Variants in MAP3K5 observed in about 807,000 individuals in gnomAD.
MAP3K5 encodes ASK-1.
Under a neutral mutation model 158.7 loss-of-function variants are expected in MAP3K5, and 56 were observed. That is an observed-to-expected ratio of 0.35 (90% CI 0.28 to 0.44). MAP3K5 has a LOEUF of 0.44. Among genes scored for constraint, MAP3K5 ranks in the 20% least tolerant of loss-of-function variants. The pLI, the probability that MAP3K5 is intolerant of heterozygous loss-of-function variation, is 1.00. For synonymous variants in MAP3K5, 579 were observed against 601.7 expected (o/e 0.96, Z 0.55); for missense variants, 1,294 against 1,674.8 (o/e 0.77, Z 3.97).
chr6:136,736,868 G>C (rs1782482623), intron 1 of MAP3K5, among the ~76,000 whole-genome samples: 1 of 151,416 alleles, frequency 6.6e-6, no homozygotes, highest in African/African-American at 2.4e-5. Context: ...TCTAGAGACA[G>C]TGTCTTGCTA....
chr6:136,770,460 T>C (rs151259771), intron 1 of MAP3K5, among the ~76,000 whole-genome samples: 427 of 152,350 alleles, frequency 2.8e-3, no homozygotes, highest in Non-Finnish European at 5.0e-3. Context: ...AAATTTCACT[T>C]AGCCCAAAAA....
At chr6:136,622,000 G>A (rs1275008114) in intron 15 of MAP3K5, among the ~76,000 whole-genome samples, 1 of 151,832 alleles carries the variant, frequency 6.6e-6, no homozygotes, top group East Asian at 1.9e-4. Context: ...GCAGGAGACT[G>A]GCATGGACCC....
chr6:136,600,965 GT>G, intron 21 of MAP3K5, 56 bp downstream of exon 21: 2 of 1,590,518 alleles, frequency 1.3e-6, no homozygotes, highest in Non-Finnish European at 1.7e-6. Flanking sequence ...GAAGTCTGGA[GT>G]TTATCACACC....
intron 7 of MAP3K5, among the ~76,000 whole-genome samples, chr6:136,693,818 G>A (rs1003801998): frequency 2.5e-4 from 38 of 151,916 alleles, no homozygotes; most frequent in Admixed American, 3.3e-4. Context: ...GGCAAAACCC[G>A]TCTCTCCTAA....
At chr6:136,604,097 G>A (rs769845720) in intron 19 of MAP3K5, among the ~76,000 whole-genome samples, 5 of 152,200 alleles carry the variant, frequency 3.3e-5, no homozygotes, top group South Asian at 2.1e-4. Flanking sequence ...CAAGGCAGGC[G>A]GAGGGCCTGA....
In MAP3K5 at chr6:136,611,266, C is replaced by G; in HGVS notation, c.2521+16G>C. 2 of 1,502,830 alleles carry G rather than the reference C, an allele frequency of 1.3e-6. No individual in the cohort carries two copies. Among genetic ancestry groups the G allele is most frequent in the Non-Finnish European group, 1.9e-6 (2 of 1,079,314 alleles). 93.1% of individuals were successfully genotyped at this position (1,502,830 alleles called of 1,614,324 possible). A position where few individuals can be genotyped will look rare whatever the true frequency, so the allele number is the denominator to read the frequency against. ...TTTAATTACATAAGATCTGTATCATCATTGCAAAAACATACCAGTAAAAGT... is the reference window on the plus strand; with the variant it reads ...TTTAATTACATAAGATCTGTATCATGATTGCAAAAACATACCAGTAAAAGT... On this transcript the variant is annotated intron_variant, in intron 18 of 29. Transcript: ENST00000359015.
Position 136,601,035 on chromosome 6 carries a change from T to C in MAP3K5, c.2865A>G (p.Ser955=). The change falls in exon 21 of 30, where the codon TCA becomes TCG. Residue 955 remains serine, a synonymous_variant. Transcript: ENST00000359015. ...KKTQPKLSAL[S]AGSNEYLRSI... ...AAACAAACTCACCATTTGATCCAGC[T>C]GAAAGAGCTGTGGAAAGAAAAGCAA... 2 of 1,613,852 alleles carry C rather than the reference T, an allele frequency of 1.2e-6. No individual in the cohort carries two copies. The highest frequency in any genetic ancestry group is 2.2e-5 in the South Asian group (2 of 91,076).
chr6:136,750,719 A>C (rs1462387508), intron 1 of MAP3K5, among the ~76,000 whole-genome samples: 1 of 152,190 alleles, frequency 6.6e-6, no homozygotes. Context: ...GAAAGGTCTT[A>C]AACTTGTGAA....
At chr6:136,595,316 G>A (rs1037952661) in intron 21 of MAP3K5, among the ~76,000 whole-genome samples, 2 of 152,138 alleles carry the variant, frequency 1.3e-5, no homozygotes, top group Admixed American at 1.3e-4. Flanking sequence ...TGTCGGCCAG[G>A]CTGGTCTCAA....
At chr6:136,680,940 G>A (rs1457452287) in intron 7 of MAP3K5, among the ~76,000 whole-genome samples, 1 of 152,174 alleles carries the variant, frequency 6.6e-6, no homozygotes, top group East Asian at 1.9e-4. Flanking sequence ...ATGAAGAACA[G>A]TAAAGATTTA....
intron 26 of MAP3K5, among the ~76,000 whole-genome samples, chr6:136,566,087 G>T (rs918027342): frequency 2.0e-5 from 3 of 152,142 alleles, no homozygotes; most frequent in African/African-American, 7.2e-5. Flanking sequence ...GAAGAAAGCG[G>T]CCGGAAGCCC....
chr6:136,731,385 G>C (rs965972954), intron 1 of MAP3K5, among the ~76,000 whole-genome samples: 1 of 152,168 alleles, frequency 6.6e-6, no homozygotes, highest in Non-Finnish European at 1.5e-5. Flanking sequence ...CAAAATCAAG[G>C]TGTAGGCAGT....
At chr6:136,723,266 G>C (rs1172838568) in intron 1 of MAP3K5, among the ~76,000 whole-genome samples, 1 of 151,260 alleles carries the variant, frequency 6.6e-6, no homozygotes, top group African/African-American at 2.4e-5. Context: ...CAAAGAAAAA[G>C]AAAAAAGTAG....
In MAP3K5 at chr6:136,759,714, C is replaced by A. The variant is rs111239757; in HGVS notation, c.448+31996G>T. 2.3e-3 allele frequency among the ~76,000 whole-genome samples: 349 copies of A among 150,550 alleles called. 8 individuals carry two copies. In the South Asian group the frequency reaches 0.036, roughly 15 times the overall value. ...TCCCAAACTCCTGGGCTCAAGCGAT[C>A]TGCTCACCTCAGGATTATAGGTGTG... On this transcript the variant is annotated intron_variant, in intron 1 of 29. Coordinates refer to ENST00000359015, the MANE Select transcript of MAP3K5 (RefSeq NM_005923.4).
intron 7 of MAP3K5, among the ~76,000 whole-genome samples, chr6:136,686,328 C>G (rs59348017): frequency 1.3e-5 from 2 of 152,102 alleles, no homozygotes; most frequent in Non-Finnish European, 2.9e-5. Flanking sequence ...ACTGAATGGG[C>G]AAAAGCTGGA....
intron 25 of MAP3K5, among the ~76,000 whole-genome samples, chr6:136,568,613 G>A (rs1369503729): frequency 6.6e-6 from 1 of 152,094 alleles, no homozygotes; most frequent in East Asian, 1.9e-4. Flanking sequence ...AGTGGCTCAC[G>A]CCTGTAATCC....
intron 14 of MAP3K5, among the ~76,000 whole-genome samples, chr6:136,632,627 T>A (rs1777426718): frequency 6.6e-6 from 1 of 152,148 alleles, no homozygotes; most frequent in South Asian, 2.1e-4. Flanking sequence ...CATGTTAGGC[T>A]ATGATAGAGG....
intron 8 of MAP3K5, among the ~76,000 whole-genome samples, chr6:136,667,892 C>T (rs1445953781): frequency 6.6e-6 from 1 of 151,798 alleles, no homozygotes; most frequent in Non-Finnish European, 1.5e-5. Context: ...GCCTTTAATA[C>T]CCCTGCTATC....
chr6:136,755,184 C>G (rs1783420769), intron 1 of MAP3K5, among the ~76,000 whole-genome samples: 1 of 152,140 alleles, frequency 6.6e-6, no homozygotes, highest in African/African-American at 2.4e-5. Flanking sequence ...GAAAACCCTT[C>G]ACTTTAGTCT....
Sources: allele counts gnomAD v4.1 joint callset (sites outside exome capture counted in the v4.1 genomes callset), GRCh38; gene constraint gnomAD v4.1.1; transcripts MANE v1.5; gene names NCBI Gene and HGNC (gene_info 2026-07-23, HGNC 2026-07-21).